DNMBP: variants seen among roughly 807,000 people sequenced by gnomAD.
DNMBP encodes the protein dynamin-binding protein.
In DNMBP, 87 loss-of-function variants were observed where a neutral mutation model predicts 150.0. The ratio of observed to expected loss-of-function variants is 0.58; its 90% CI spans 0.49 to 0.69. The LOEUF (loss-of-function observed/expected upper bound fraction) is 0.69, where lower values mean the gene tolerates loss of function less well. Ranked by LOEUF, DNMBP falls within the 30% of genes least tolerant of loss-of-function variation. DNMBP has a pLI of 0.00. For synonymous variants in DNMBP, 711 were observed against 750.4 expected (o/e 0.95, Z 0.86); for missense variants, 1,774 against 1,949.0 (o/e 0.91, Z 1.69).
At chr10:99,992,997 T>C (rs1009524922) in intron 1 of DNMBP, among the ~76,000 whole-genome samples, 5 of 151,928 alleles carry the variant, frequency 3.3e-5, no homozygotes, top group South Asian at 4.1e-4. Context: ...TGAGTGGTGA[T>C]TGCACCCTCT....
rs752389732 is a variant in DNMBP at position 99,955,683 on chromosome 10, G to A, written c.1791C>T (p.Thr597=). 1.3e-5 allele frequency: 21 copies of A among 1,614,072 alleles called. No homozygotes were observed. Among genetic ancestry groups the A allele is most frequent in the South Asian group, 3.3e-5 (3 of 91,088 alleles). The change falls in exon 4 of 17, where the codon ACC becomes ACT. Residue 597 remains threonine, a synonymous_variant. Coordinates refer to ENST00000324109, the MANE Select transcript of DNMBP (RefSeq NM_015221.4). Reference sequence around the variant, plus strand: ...TTCTCCTTTCCGGCAGCTCCTGCTCGGTGATTAACTTTGAGGAACCTCGGA... The same window carrying A: ...TTCTCCTTTCCGGCAGCTCCTGCTCAGTGATTAACTTTGAGGAACCTCGGA... ...DIVRGSSKLI[T]EQELPERRKA...
chr10:99,923,080 C>A (rs1480456287), intron 4 of DNMBP, among the ~76,000 whole-genome samples: 1 of 152,068 alleles, frequency 6.6e-6, no homozygotes, highest in African/African-American at 2.4e-5. Flanking sequence ...TTGGCAAGAC[C>A]CTGTCTCTAC....
At chr10:99,952,368 G>C (rs2040433970) in intron 4 of DNMBP, among the ~76,000 whole-genome samples, 1 of 152,166 alleles carries the variant, frequency 6.6e-6, no homozygotes, top group Non-Finnish European at 1.5e-5. Context: ...CTAGGGCTTT[G>C]GGAATGTAAC....
chr10:99,909,920 A>AACTCT (rs2039879715), intron 4 of DNMBP, among the ~76,000 whole-genome samples: 1 of 152,230 alleles, frequency 6.6e-6, no homozygotes, highest in Non-Finnish European at 1.5e-5. Context: ...TCTGACTATT[A>AACTCT]CTTAGATACA....
chr10:99,930,940 A>C, intron 4 of DNMBP: 1 of 497,678 alleles, frequency 2.0e-6, no homozygotes, highest in Non-Finnish European at 3.5e-6. Context: ...GAGTTATTTC[A>C]ACCTCAGGAT....
At chr10:99,929,515 T>C in intron 4 of DNMBP, 1 of 598,950 alleles carries the variant, frequency 1.7e-6, no homozygotes, top group Non-Finnish European at 2.9e-6. Context: ...GGGCCCGGGC[T>C]CCTTAAGAAC....
intron 1 of DNMBP, among the ~76,000 whole-genome samples, chr10:99,984,591 C>T (rs979063326): frequency 6.6e-6 from 1 of 152,196 alleles, no homozygotes; most frequent in South Asian, 2.1e-4. Flanking sequence ...AATTTATTAA[C>T]CCAGTGTTCC....
intron 7 of DNMBP, 109 bp from the exon 8 acceptor site, chr10:99,898,869 G>A (rs1589405139): frequency 9.2e-7 from 1 of 1,090,228 alleles, no homozygotes; most frequent in African/African-American, 1.6e-5. Flanking sequence ...AATTATGAAT[G>A]TTTATGGTAA....
At chr10:99,981,872 C>G (rs1437866276) in intron 1 of DNMBP, among the ~76,000 whole-genome samples, 1 of 152,194 alleles carries the variant, frequency 6.6e-6, no homozygotes, top group Non-Finnish European at 1.5e-5. Context: ...CTGCGTTGCT[C>G]TATTAAACAC....
At chr10:99,897,325 G>A (rs2039669953) in intron 9 of DNMBP, among the ~76,000 whole-genome samples, 1 of 152,162 alleles carries the variant, frequency 6.6e-6, no homozygotes, top group Non-Finnish European at 1.5e-5. Flanking sequence ...AGAGGTCACT[G>A]GGCATGGGCA....
chr10:99,929,354 A>G (rs1008424306), intron 4 of DNMBP, among the ~76,000 whole-genome samples: 1 of 152,178 alleles, frequency 6.6e-6, no homozygotes, highest in Non-Finnish European at 1.5e-5. Context: ...TGAAAAAACC[A>G]GGAAGCGTAA....
chr10:99,996,740 T>C (rs7897998), intron 1 of DNMBP, among the ~76,000 whole-genome samples: 12,454 of 152,230 alleles, frequency 0.082, 731 homozygotes, highest in African/African-American at 0.16. Context: ...GACATTGAGA[T>C]ACTTTCTTCT....
At chr10:99,969,822 GC>G (rs1242069540) in intron 2 of DNMBP, among the ~76,000 whole-genome samples, 8 of 152,124 alleles carry the variant, frequency 5.3e-5, no homozygotes, top group Non-Finnish European at 1.2e-4. Flanking sequence ...CTTGGTCCAT[GC>G]CATCACCATC....
intron 11 of DNMBP, among the ~76,000 whole-genome samples, chr10:99,890,494 C>T (rs1163857337): frequency 6.6e-6 from 1 of 152,080 alleles, no homozygotes; most frequent in Non-Finnish European, 1.5e-5. Flanking sequence ...TGGAGGTGAG[C>T]CTTTTAAGGG....
Position 99,956,859 on chromosome 10 carries a change from C to G in DNMBP, c.615G>C (p.Leu205=), listed in dbSNP as rs2040503475. Residue 205 remains leucine (L), a synonymous_variant, in exon 4 of 17, where the codon CTG becomes CTC. Transcript: ENST00000324109. ...AACTTACTGACTCATCCACAGTCCT[C>G]AGGGGCCCCAACAGCTCTACAAAAC... is the stretch of plus-strand genomic sequence containing the variant. ...PEGFVELLGP[L]RTVDESVSSG... The G allele has an allele frequency of 2.5e-6, 4 of 1,614,068 alleles. No individual in the cohort carries two copies. In the African/African-American group the frequency reaches 4.0e-5, roughly 16 times the overall value.
At chr10:99,964,904 A>T (rs997324954) in intron 3 of DNMBP, among the ~76,000 whole-genome samples, 3 of 145,068 alleles carry the variant, frequency 2.1e-5, no homozygotes, top group Non-Finnish European at 3.1e-5. Context: ...ATATATATAT[A>T]TTTTAACTCA....
intron 11 of DNMBP, among the ~76,000 whole-genome samples, chr10:99,891,160 CTCT>C (rs2039550442): frequency 6.7e-6 from 1 of 149,308 alleles, no homozygotes; most frequent in African/African-American, 2.5e-5. Context: ...CTCCCTCTCC[CTCT>C]CCCCCTCTCC....
intron 6 of DNMBP, among the ~76,000 whole-genome samples, chr10:99,905,336 T>C (rs936747350): frequency 1.3e-5 from 2 of 152,242 alleles, no homozygotes; most frequent in South Asian, 2.1e-4. Context: ...GGCATTTGCC[T>C]GCACGACAGA....
intron 4 of DNMBP, among the ~76,000 whole-genome samples, chr10:99,924,198 G>C (rs529193405): frequency 5.3e-5 from 8 of 151,894 alleles, no homozygotes; most frequent in Non-Finnish European, 1.0e-4. Flanking sequence ...AGTACTTTGG[G>C]AGGCCGAGGC....
Sources: allele counts gnomAD v4.1 joint callset (sites outside exome capture counted in the v4.1 genomes callset), GRCh38; gene constraint gnomAD v4.1.1; transcripts MANE v1.5; gene names NCBI Gene and HGNC (gene_info 2026-07-23, HGNC 2026-07-21).